Variants in SOBP observed in about 807,000 individuals in gnomAD.
SOBP encodes sine oculis-binding protein homolog.
Under a neutral mutation model 53.6 loss-of-function variants are expected in SOBP, and 4 were observed. The ratio of observed to expected loss-of-function variants is 0.07; its 90% CI spans 0.04 to 0.17. The LOEUF is 0.17. Among genes scored for constraint, SOBP ranks in the 10% least tolerant of loss-of-function variants. SOBP has a pLI of 1.00. For synonymous variants in SOBP, 584 were observed against 522.6 expected (o/e 1.12, Z -1.60); for missense variants, 1,088 against 1,204.7 (o/e 0.90, Z 1.43).
intron 5 of SOBP, among the ~76,000 whole-genome samples, chr6:107,599,881 GAACA>G (rs1786112649): frequency 6.6e-6 from 1 of 152,144 alleles, no homozygotes; most frequent in Admixed American, 6.5e-5. Context: ...TTGTAAACAT[GAACA>G]AACAAAGAAA....
At chr6:107,556,386 G>A (rs1473176585) in intron 4 of SOBP, among the ~76,000 whole-genome samples, 1 of 152,156 alleles carries the variant, frequency 6.6e-6, no homozygotes, top group Non-Finnish European at 1.5e-5. Context: ...TGTTATACCA[G>A]TGCTATACTT....
Position 107,584,874 on chromosome 6 carries a change from A to G in SOBP, c.574-2206A>G, listed in dbSNP as rs116539709. On this transcript the variant is annotated intron_variant, in intron 4 of 6. Coordinates refer to ENST00000317357, the MANE Select transcript of SOBP (RefSeq NM_018013.4). ...GTGGAATGAATGTATTTTTGCCACT[A>G]ATGTTGAAAATATCCTTAGGCATCT... Among the ~76,000 whole-genome samples, 506 of 152,260 alleles carry G rather than the reference A, an allele frequency of 3.3e-3. 2 individuals are homozygous for G. Among genetic ancestry groups the G allele is most frequent in the African/African-American group, 0.012 (487 of 41,546 alleles).
At chr6:107,551,031 G>A (rs991021787) in intron 4 of SOBP, among the ~76,000 whole-genome samples, 3 of 152,210 alleles carry the variant, frequency 2.0e-5, no homozygotes, top group Non-Finnish European at 4.4e-5. Context: ...TGACAGGCAC[G>A]TGAAGAGTTT....
At chr6:107,592,163 C>A (rs1015559955) in intron 5 of SOBP, among the ~76,000 whole-genome samples, 5 of 152,044 alleles carry the variant, frequency 3.3e-5, no homozygotes, top group Non-Finnish European at 7.4e-5. Context: ...GCCAATCAGA[C>A]CCAGTTTTAA....
intron 5 of SOBP, among the ~76,000 whole-genome samples, chr6:107,592,233 T>C (rs1785783196): frequency 6.6e-6 from 1 of 152,134 alleles, no homozygotes; most frequent in Non-Finnish European, 1.5e-5. Flanking sequence ...TTATTTACTC[T>C]CAGGCCCCTG....
At chr6:107,604,436 A>G (rs1309812195) in intron 5 of SOBP, among the ~76,000 whole-genome samples, 1 of 152,044 alleles carries the variant, frequency 6.6e-6, no homozygotes, top group Admixed American at 6.6e-5. Context: ...TTGTCTTGTG[A>G]TATAATTTCG....
chr6:107,624,042 C>T lies in SOBP; in HGVS notation c.670-9472C>T, dbSNP rs1490094004. ...TGAAAGGCTCAAGCTTGGAATATAACGAAGAGTCAATAAATGTTTGTTTTT... is the reference window on the plus strand; with the variant it reads ...TGAAAGGCTCAAGCTTGGAATATAATGAAGAGTCAATAAATGTTTGTTTTT... On this transcript the variant is annotated intron_variant, in intron 5 of 6. Coordinates refer to ENST00000317357, the MANE Select transcript of SOBP (RefSeq NM_018013.4). Among the ~76,000 whole-genome samples, 7 of 152,086 alleles carry T rather than the reference C, an allele frequency of 4.6e-5. No homozygotes were observed. The East Asian group carries it at 5.8e-4, about 13-fold the overall frequency.
chr6:107,505,623 A>G (rs912012838), intron 2 of SOBP, among the ~76,000 whole-genome samples: 2 of 148,452 alleles, frequency 1.3e-5, no homozygotes, highest in African/African-American at 5.0e-5. Context: ...GCGCCTAGTC[A>G]CCTCTCAGTT....
intron 4 of SOBP, among the ~76,000 whole-genome samples, chr6:107,568,330 A>G (rs1390855129): frequency 6.6e-6 from 1 of 152,238 alleles, no homozygotes; most frequent in African/African-American, 2.4e-5. Flanking sequence ...TTTTAAAAAT[A>G]TGTATTTTAT....
chr6:107,648,705 G>A (rs181761212), intron 6 of SOBP, among the ~76,000 whole-genome samples: 18 of 152,236 alleles, frequency 1.2e-4, no homozygotes, highest in African/African-American at 4.3e-4. Flanking sequence ...CTCCCAGCGG[G>A]AGGGGGAAAC....
chr6:107,534,515 C>A (rs1783933153), intron 4 of SOBP, among the ~76,000 whole-genome samples: 1 of 152,076 alleles, frequency 6.6e-6, no homozygotes, highest in African/African-American at 2.4e-5. Context: ...AATACAAGAT[C>A]CAAATCTGTT....
At chr6:107,581,797 A>G (rs1785410085) in intron 4 of SOBP, among the ~76,000 whole-genome samples, 1 of 152,240 alleles carries the variant, frequency 6.6e-6, no homozygotes, top group Admixed American at 6.5e-5. Flanking sequence ...GTTATAAAAT[A>G]TAAAATCAAT....
intron 4 of SOBP, among the ~76,000 whole-genome samples, chr6:107,586,042 A>G (rs1046073244): frequency 1.3e-5 from 2 of 152,248 alleles, no homozygotes; most frequent in East Asian, 1.9e-4. Context: ...GACAGCAGAC[A>G]GAACTACCTG....
chr6:107,611,254 A>T (rs1786587853), intron 5 of SOBP, among the ~76,000 whole-genome samples: 1 of 152,174 alleles, frequency 6.6e-6, no homozygotes, highest in Non-Finnish European at 1.5e-5. Context: ...TATCCTTCTG[A>T]ATGGCTTTCT....
chr6:107,493,224 C>T (rs921056924), intron 1 of SOBP, among the ~76,000 whole-genome samples: 1 of 151,780 alleles, frequency 6.6e-6, no homozygotes, highest in Non-Finnish European at 1.5e-5. Context: ...AGCTTCATAT[C>T]GGTGCCGCTG....
rs150614922 is a variant in SOBP at position 107,596,394 on chromosome 6, A to G, written c.669+9219A>G. ...TTGATGAATGAATATATGCAATAACATATCTCCCTGGTTCTAGTTCAGGTA... is the reference window on the plus strand; with the variant it reads ...TTGATGAATGAATATATGCAATAACGTATCTCCCTGGTTCTAGTTCAGGTA... On this transcript the variant is annotated intron_variant, in intron 5 of 6. Transcript: ENST00000317357. 5.9e-3 allele frequency among the ~76,000 whole-genome samples: 904 copies of G among 152,268 alleles called. 14 individuals carry two copies. The highest frequency in any genetic ancestry group is 0.021 in the African/African-American group (869 of 41,560).
At position 107,506,300 on chromosome 6, in the gene SOBP, A is replaced by G. The variant is rs1252399398; in HGVS notation, c.294A>G (p.Ile98Met). Reference protein sequence around the residue: ...PEDSVISPYNISTGYSGLATG... With the variant: ...PEDSVISPYNMSTGYSGLATG... ...ACAGTGTTATTTCACCATACAATATAAGCACAGGCTATTCAGGGCTTGCCA... is the reference window on the plus strand; with the variant it reads ...ACAGTGTTATTTCACCATACAATATGAGCACAGGCTATTCAGGGCTTGCCA... The change falls in exon 3 of 7, where the codon ATA becomes ATG. Residue 98 changes from isoleucine (I) to methionine (M), a missense_variant. Ile to Met is a conservative substitution (Grantham distance 10, BLOSUM62 1). This residue lies in a region of SOBP where 112 missense variants were observed against 117.9 expected (regional missense o/e 0.95). Transcript: ENST00000317357. 1.2e-6 allele frequency: 2 copies of G among 1,614,224 alleles called. No individual in the cohort carries two copies. The highest frequency in any genetic ancestry group is 8.5e-7 in the Non-Finnish European group (1 of 1,180,030).
In SOBP at chr6:107,635,277, C is replaced by G; in HGVS notation, c.2433C>G (p.Asp811Glu). ...KSDPNLNNPA[D>E]EDHAYALRML... Reference sequence around the variant, plus strand: ...ACCCGAACCTTAATAACCCCGCGGACGAGGACCATGCCTATGCTCTGCGGA... The same window carrying G: ...ACCCGAACCTTAATAACCCCGCGGAGGAGGACCATGCCTATGCTCTGCGGA... The change falls in exon 6 of 7, where the codon GAC becomes GAG. Residue 811 changes from aspartate to glutamate, a missense_variant. Physicochemically the swap from Asp to Glu is conservative, Grantham distance 45. Around this residue, in one of 6 missense-constraint regions of SOBP, gnomAD observed 665 missense variants for 629.7 expected, o/e 1.06. Coordinates refer to ENST00000317357, the MANE Select transcript of SOBP (RefSeq NM_018013.4). The surrounding 1 kb of genome is among the most constrained non-coding windows in gnomAD (Gnocchi z 4.5). The G allele has an allele frequency of 6.2e-7, 1 of 1,613,900 alleles. No individual in the cohort carries two copies. Among genetic ancestry groups the G allele is most frequent in the East Asian group, 2.2e-5 (1 of 44,856 alleles).
chr6:107,517,573 T>C (rs1783357656), intron 3 of SOBP, among the ~76,000 whole-genome samples: 1 of 152,180 alleles, frequency 6.6e-6, no homozygotes, highest in Non-Finnish European at 1.5e-5. Flanking sequence ...CTTCAACATA[T>C]GAATTTGGGG....
Sources: gnomAD v4.1 joint callset for allele counts (sites outside exome capture counted in the v4.1 genomes callset) on GRCh38, gnomAD v4.1.1 for gene constraint, gnomAD v4.1.1 regional missense constraint, Gnocchi (gnomAD v3.1) non-coding constraint, MANE v1.5 for transcripts, NCBI Gene and HGNC (gene_info 2026-07-23, HGNC 2026-07-21) for gene names.